ACSM3: variants seen among roughly 807,000 people sequenced by gnomAD.
The protein encoded by ACSM3 is acyl-coenzyme A synthetase ACSM3, mitochondrial.
In ACSM3, 61 loss-of-function variants were observed where a neutral mutation model predicts 74.1. That is an observed-to-expected ratio of 0.82 (90% CI 0.67 to 1.02). The LOEUF (loss-of-function observed/expected upper bound fraction) is 1.02, where lower values mean the gene tolerates loss of function less well. ACSM3 is among the 50% of genes least tolerant of loss of function. The pLI, the probability that ACSM3 is intolerant of heterozygous loss-of-function variation, is 0.00. For synonymous variants in ACSM3, 213 were observed against 241.5 expected (o/e 0.88, Z 1.09); for missense variants, 660 against 697.0 (o/e 0.95, Z 0.60).
At chr16:20,707,616 T>C (rs1170768511) in intron 1 of ACSM3, among the ~76,000 whole-genome samples, 4 of 152,146 alleles carry the variant, frequency 2.6e-5, no homozygotes, top group Non-Finnish European at 5.9e-5. Context: ...TCACCAACTG[T>C]GGACTCCATT....
chr16:20,705,658 C>G (rs979341192), intron 1 of ACSM3, among the ~76,000 whole-genome samples: 2 of 152,048 alleles, frequency 1.3e-5, no homozygotes, highest in African/African-American at 4.8e-5. Flanking sequence ...AGAGTCTCTA[C>G]AGTATATTAA....
intron 1 of ACSM3, among the ~76,000 whole-genome samples, chr16:20,699,653 C>T (rs567921951): frequency 1.8e-3 from 270 of 152,226 alleles, no homozygotes; most frequent in African/African-American, 5.9e-3. Flanking sequence ...AGAATGGAGA[C>T]GGGGGAAAAG....
At chr16:20,774,660 A>G (rs533055565) in intron 2 of ACSM3, among the ~76,000 whole-genome samples, 3 of 152,218 alleles carry the variant, frequency 2.0e-5, no homozygotes, top group African/African-American at 7.2e-5. Flanking sequence ...GGGAATTTAA[A>G]CTGTTTACAT....
At chr16:20,688,223 TAGAC>T (rs1228539088) in intron 1 of ACSM3, among the ~76,000 whole-genome samples, 5 of 151,874 alleles carry the variant, frequency 3.3e-5, no homozygotes, top group African/African-American at 4.8e-5. Flanking sequence ...TCCATAAACA[TAGAC>T]AGGTCATTTA....
chr16:20,720,814 T>A (rs896110150), intron 1 of ACSM3, among the ~76,000 whole-genome samples: 1 of 152,248 alleles, frequency 6.6e-6, no homozygotes, highest in Non-Finnish European at 1.5e-5. Flanking sequence ...TTCTTAGATA[T>A]ATACATTACA....
chr16:20,748,581 G>A (rs1210157994), intron 1 of ACSM3, among the ~76,000 whole-genome samples: 1 of 152,174 alleles, frequency 6.6e-6, no homozygotes, highest in Admixed American at 6.5e-5. Flanking sequence ...GTTCACTGCT[G>A]CTGTTTTGTT....
chr16:20,756,960 T>C (rs1205346878), intron 3 of ACSM3, among the ~76,000 whole-genome samples: 2 of 152,038 alleles, frequency 1.3e-5, no homozygotes, highest in Non-Finnish European at 2.9e-5. Context: ...TGCGGCGTTA[T>C]TTCTGAGGGC....
At chr16:20,710,246 C>T (rs548678603) in intron 1 of ACSM3, among the ~76,000 whole-genome samples, 67 of 152,314 alleles carry the variant, frequency 4.4e-4, no homozygotes, top group Middle Eastern at 3.4e-3. Context: ...CACTCCCCAG[C>T]TATGGCCAAA....
intron 1 of ACSM3, among the ~76,000 whole-genome samples, chr16:20,704,824 A>G (rs1697050373): frequency 6.6e-6 from 1 of 152,254 alleles, no homozygotes; most frequent in Admixed American, 6.5e-5. Flanking sequence ...AAGTTACCAT[A>G]AAAGTATAGA....
chr16:20,785,739 T>C (rs925844592), intron 8 of ACSM3, among the ~76,000 whole-genome samples: 4 of 152,132 alleles, frequency 2.6e-5, no homozygotes, highest in South Asian at 2.1e-4. Flanking sequence ...ACCATGAGAA[T>C]GTATCACCTG....
intron 2 of ACSM3, among the ~76,000 whole-genome samples, chr16:20,751,198 G>C (rs2079986918): frequency 6.6e-6 from 1 of 152,060 alleles, no homozygotes; most frequent in Non-Finnish European, 1.5e-5. Context: ...CTGAACCAGT[G>C]GCCAGCCTTC....
intron 9 of ACSM3, chr16:20,789,684 CTTTTTTTTTTTTTTT>C (rs561663756): frequency 2.2e-5 from 10 of 446,580 alleles, no homozygotes; most frequent in Non-Finnish European, 3.6e-5. Context: ...CTCTATTTTT[CTTTTTTTTTTTTTTT>C]TTTTGAGATG....
intron 1 of ACSM3, chr16:20,734,351 A>G (rs1384850993): frequency 6.6e-6 from 1 of 152,608 alleles, no homozygotes; most frequent in African/African-American, 2.4e-5. Flanking sequence ...TGATATTAAT[A>G]ATCCTCTTAT....
In ACSM3 at chr16:20,790,912, C is replaced by G. The variant is rs547325608; in HGVS notation, c.1326+224C>G. On this transcript the variant is annotated intron_variant, in intron 10 of 13. Coordinates refer to ENST00000289416, the MANE Select transcript of ACSM3 (RefSeq NM_005622.4). This position sits in a 1 kb window ranked among gnomAD's most constrained non-coding sequence, Gnocchi z 4.0. Reference sequence around the variant, plus strand: ...AGGCCAGATCACTGTTCCAGGTCCACGAAGGCAAGAGGAAGGGACCCTAGA... The same window carrying G: ...AGGCCAGATCACTGTTCCAGGTCCAGGAAGGCAAGAGGAAGGGACCCTAGA... 8.1e-6 allele frequency: 13 copies of G among 1,613,916 alleles called. No homozygotes were observed. Among genetic ancestry groups the G allele is most frequent in the Non-Finnish European group, 1.1e-5 (13 of 1,179,940 alleles).
chr16:20,765,650 C>G (rs2080117754), intron 1 of ACSM3, among the ~76,000 whole-genome samples: 1 of 152,136 alleles, frequency 6.6e-6, no homozygotes. Flanking sequence ...GTGTCTTGTT[C>G]ACAGCTATAT....
intron 1 of ACSM3, chr16:20,737,056 C>T: frequency 6.2e-7 from 1 of 1,614,150 alleles, no homozygotes; most frequent in Non-Finnish European, 8.5e-7. Context: ...TTGTTTTGGT[C>T]TGATTTGTCC....
At chr16:20,686,824 TTAAC>T (rs2079561937) in intron 1 of ACSM3, among the ~76,000 whole-genome samples, 1 of 151,490 alleles carries the variant, frequency 6.6e-6, no homozygotes, top group African/African-American at 2.4e-5. Context: ...AAAAAAAAGT[TTAAC>T]TATGGAAAGT....
intron 12 of ACSM3, among the ~76,000 whole-genome samples, chr16:20,793,551 G>A (rs2080651622): frequency 6.6e-6 from 1 of 152,096 alleles, no homozygotes; most frequent in Admixed American, 6.5e-5. Flanking sequence ...TCTCCCCCCA[G>A]GACTGATTCC....
intron 1 of ACSM3, chr16:20,728,339 T>C: frequency 9.4e-7 from 1 of 1,060,212 alleles, no homozygotes; most frequent in South Asian, 1.4e-5. Flanking sequence ...CCTGCTTTCA[T>C]TTTGTGAAAA....
Sources: gnomAD v4.1 joint callset for allele counts (sites outside exome capture counted in the v4.1 genomes callset) on GRCh38, gnomAD v4.1.1 for gene constraint, Gnocchi (gnomAD v3.1) non-coding constraint, MANE v1.5 for transcripts, NCBI Gene and HGNC (gene_info 2026-07-23, HGNC 2026-07-21) for gene names.